OXER1: variants seen among roughly 807,000 people sequenced by gnomAD.
OXER1 encodes 5-oxo-ETE G-protein coupled receptor.
For missense variants in OXER1, 587 were observed against 551.7 expected, an observed-to-expected ratio of 1.06 and a Z score of -0.64; for synonymous variants, 258 against 245.8, an observed-to-expected ratio of 1.05 and a Z score of -0.47.
chr2:42,763,414 G>GC, the OXER1 span: 1 of 1,591,078 alleles, frequency 6.3e-7, no homozygotes. The surrounding 1 kb of genome is among the most constrained non-coding windows in gnomAD (Gnocchi z 4.4). Flanking sequence ...AGCAGGTACA[G>GC]TGCCTGGTGC....
chr2:42,763,007 C>T lies in OXER1; in HGVS notation c.1173G>A (p.Gln391=), dbSNP rs750095060. 3.1e-6 allele frequency: 5 copies of T among 1,614,072 alleles called. No homozygotes were observed. The East Asian group carries it at 1.1e-4, about 36-fold the overall frequency. ...TCCTAGAGGCCTCCCGGTAGCGCCA[C>T]TGCCTGGAGGGTTGGTAGGAGCTCT... is the stretch of plus-strand genomic sequence containing the variant. The change falls in exon 1 of 1, where the codon CAG becomes CAA. Residue 391 remains glutamine, a synonymous_variant. Coordinates refer to ENST00000378661, the Ensembl canonical transcript of OXER1. This position sits in a 1 kb window ranked among gnomAD's most constrained non-coding sequence, Gnocchi z 4.4.
Position 42,763,551 on chromosome 2 carries a change from G to A in OXER1, c.629C>T (p.Ala210Val). 6.4e-7 allele frequency: 1 copy of A among 1,566,784 alleles called. No homozygotes were observed. The highest frequency in any genetic ancestry group is 8.6e-7 in the Non-Finnish European group (1 of 1,156,212). ...CACCCAGAGTCCCCCGGCCACCCGGGCAGCTGCCCCCACGGAAGCACGGCT... is the reference window on the plus strand; with the variant it reads ...CACCCAGAGTCCCCCGGCCACCCGGACAGCTGCCCCCACGGAAGCACGGCT... Residue 210 changes from alanine (A) to valine (V), a missense_variant, in exon 1 of 1, where the codon GCC becomes GTC. Coordinates refer to ENST00000378661, the Ensembl canonical transcript of OXER1. This position sits in a 1 kb window ranked among gnomAD's most constrained non-coding sequence, Gnocchi z 4.4.
chr2:42,764,118 G>A, exon 1 of OXER1: 1 of 1,614,052 alleles, frequency 6.2e-7, no homozygotes, highest in Non-Finnish European at 8.5e-7. Flanking sequence ...ACCCCTGCAG[G>A]AGTGCTCAGG....
Position 42,763,350 on chromosome 2 carries a change from A to T in OXER1, c.830T>A (p.Leu277His). 4 of 1,612,010 alleles carry T rather than the reference A, an allele frequency of 2.5e-6. No individual in the cohort carries two copies. Among genetic ancestry groups the T allele is most frequent in the Non-Finnish European group, 3.4e-6 (4 of 1,179,536 alleles). ...GCCCAGACCACGGTTCCGGATGGTG[A>T]GCCCAATGCTCACAATAGCAAAGAG... Residue 277 changes from leucine (L) to histidine (H), a missense_variant, in exon 1 of 1, where the codon CTC becomes CAC. Transcript: ENST00000378661. The surrounding 1 kb of genome is among the most constrained non-coding windows in gnomAD (Gnocchi z 4.4).
At position 42,763,710 on chromosome 2, in the gene OXER1, G is replaced by A; in HGVS notation, c.470C>T (p.Thr157Ile). 6.2e-7 allele frequency: 1 copy of A among 1,614,136 alleles called. No homozygotes were observed. The highest frequency in any genetic ancestry group is 8.5e-7 in the Non-Finnish European group (1 of 1,180,036). ...GCAGGCAGCAGCCCCAAAGCGCCAG[G>A]TCTCATGGAGGAGGTAGTAGTCCAC... The change falls in exon 1 of 1, where the codon ACC becomes ATC. Residue 157 changes from threonine (T) to isoleucine (I), a missense_variant. Transcript: ENST00000378661. The surrounding 1 kb of genome is among the most constrained non-coding windows in gnomAD (Gnocchi z 4.4).
Position 42,763,937 on chromosome 2 carries a change from C to T in OXER1, c.243G>A (p.Gly81=), listed in dbSNP as rs752541660. ...GCGAGGAAGAGGTGGGGTGGCAGGG[C>T]CCTCCAGAGGACCCCCCCACAGTGG... The change falls in exon 1 of 1, where the codon GGG becomes GGA. Residue 81 remains glycine, a synonymous_variant. Coordinates refer to ENST00000378661, the Ensembl canonical transcript of OXER1. This position sits in a 1 kb window ranked among gnomAD's most constrained non-coding sequence, Gnocchi z 4.4. 6.2e-7 allele frequency: 1 copy of T among 1,613,736 alleles called. No individual in the cohort carries two copies.
In OXER1 at chr2:42,763,903, C is replaced by T; in HGVS notation, c.277G>A (p.Ala93Thr). The T allele has an allele frequency of 6.2e-7, 1 of 1,613,886 alleles. No homozygotes were observed. Among genetic ancestry groups the T allele is most frequent in the Non-Finnish European group, 8.5e-7 (1 of 1,180,010 alleles). ...AGGGCCAGGATTGGTGCCAGGAAGG[C>T]AGACACCAGCGAGGAAGAGGTGGGG... Residue 93 changes from alanine to threonine, a missense_variant, in exon 1 of 1, where the codon GCC becomes ACC. Ala to Thr is a moderately conservative substitution (Grantham distance 58, BLOSUM62 0). Transcript: ENST00000378661. The surrounding 1 kb of genome is among the most constrained non-coding windows in gnomAD (Gnocchi z 4.4).
At chr2:42,762,748 T>C in exon 1 of OXER1, 1 of 792,802 alleles carries the variant, frequency 1.3e-6, no homozygotes, top group South Asian at 1.8e-5. Flanking sequence ...TGGGTTTCTC[T>C]CCCTGCCACC....
exon 1 of OXER1, chr2:42,764,048 G>C (rs1466581381): frequency 6.2e-7 from 1 of 1,613,872 alleles, no homozygotes; most frequent in Non-Finnish European, 8.5e-7. Flanking sequence ...GAGAGCTCAG[G>C]TTATGAAGTT....
At chr2:42,762,646 TGCCA>T in exon 1 of OXER1, 23 of 494,162 alleles carry the variant, frequency 4.7e-5, no homozygotes, top group South Asian at 2.1e-4. Flanking sequence ...TGAGCTGGTG[TGCCA>T]ACGGCACCTT....
rs182457573 is a variant in OXER1, at chr2:42,763,124, G to A, written c.1056C>T (p.Pro352=). ...TGGGGCTAGAGAAGCAGTAGAGCACGGGGTCCAGGACACTGTTGAGGTAGG... is the reference window on the plus strand; with the variant it reads ...TGGGGCTAGAGAAGCAGTAGAGCACAGGGTCCAGGACACTGTTGAGGTAGG... The change falls in exon 1 of 1, where the codon CCC becomes CCT. Residue 352 remains proline (P), a synonymous_variant. Transcript: ENST00000378661. The surrounding 1 kb of genome is among the most constrained non-coding windows in gnomAD (Gnocchi z 4.4). 1.9e-5 allele frequency: 30 copies of A among 1,614,176 alleles called. No individual in the cohort carries two copies. The highest frequency in any genetic ancestry group is 3.3e-5 in the Admixed American group (2 of 60,028).
chr2:42,763,094 G>C lies in OXER1; in HGVS notation c.1086C>G (p.Phe362Leu). The stretch of plus-strand genomic sequence containing the variant: ...CCAGCAAGGCCCGGCTCTGGTGGAG[G>C]AAGTTGGGGCTAGAGAAGCAGTAGA... Residue 362 changes from phenylalanine (F) to leucine (L), a missense_variant, in exon 1 of 1, where the codon TTC (phenylalanine) becomes TTG (leucine). Coordinates refer to ENST00000378661, the Ensembl canonical transcript of OXER1. This position sits in a 1 kb window ranked among gnomAD's most constrained non-coding sequence, Gnocchi z 4.4. The C allele has an allele frequency of 6.2e-7, 1 of 1,614,200 alleles. No homozygotes were observed. Among genetic ancestry groups the C allele is most frequent in the Non-Finnish European group, 8.5e-7 (1 of 1,180,030 alleles).
At chr2:42,762,954 A>C (rs1295812264) in exon 1 of OXER1, 2 of 1,613,664 alleles carry the variant, frequency 1.2e-6, no homozygotes, top group Non-Finnish European at 1.7e-6. Flanking sequence ...CTCGCCCTGC[A>C]CTTTCAGCTT....
rs1234163457 is a variant in OXER1 at position 42,763,537 on chromosome 2, C to T, written c.643G>A (p.Gly215Arg). 6.4e-7 allele frequency: 1 copy of T among 1,558,798 alleles called. No homozygotes were observed. ...AGGAGCAGGATGCCCACCCAGAGTCCCCCGGCCACCCGGGCAGCTGCCCCC... is the reference window on the plus strand; with the variant it reads ...AGGAGCAGGATGCCCACCCAGAGTCTCCCGGCCACCCGGGCAGCTGCCCCC... The change falls in exon 1 of 1, where the codon GGA becomes AGA. Residue 215 changes from glycine (G) to arginine (R), a missense_variant. Physicochemically the swap from Gly to Arg is moderately radical, Grantham distance 125. Coordinates refer to ENST00000378661, the Ensembl canonical transcript of OXER1. This position sits in a 1 kb window ranked among gnomAD's most constrained non-coding sequence, Gnocchi z 4.4.
Position 42,763,305 on chromosome 2 carries a change from C to T in OXER1, c.875G>A (p.Arg292Lys), listed in dbSNP as rs1374218210. The T allele has an allele frequency of 6.2e-7, 1 of 1,613,072 alleles. No homozygotes were observed. The highest frequency in any genetic ancestry group is 8.5e-7 in the Non-Finnish European group (1 of 1,179,838). The change falls in exon 1 of 1, where the codon AGG becomes AAG. Residue 292 changes from arginine to lysine, a missense_variant. Physicochemically the swap from Arg to Lys is conservative, Grantham distance 26. Transcript: ENST00000378661. The surrounding 1 kb of genome is among the most constrained non-coding windows in gnomAD (Gnocchi z 4.4). ...CACCATGGCCAGCACACGCATGGCC[C>T]TCTGCGGGCCTGCCTGCCCGCCCAG...
chr2:42,763,687 A>T lies in OXER1; in HGVS notation c.493T>A (p.Cys165Ser). 6.2e-7 allele frequency: 1 copy of T among 1,614,106 alleles called. No individual in the cohort carries two copies. Among genetic ancestry groups the T allele is most frequent in the Non-Finnish European group, 8.5e-7 (1 of 1,179,998 alleles). The change falls in exon 1 of 1, where the codon TGC (cysteine) becomes AGC (serine). Residue 165 changes from cysteine to serine, a missense_variant. Coordinates refer to ENST00000378661, the Ensembl canonical transcript of OXER1. The surrounding 1 kb of genome is among the most constrained non-coding windows in gnomAD (Gnocchi z 4.4). ...GACAGCATGAAGAGGTTGACTTTGCAGGCAGCAGCCCCAAAGCGCCAGGTC... is the reference window on the plus strand; with the variant it reads ...GACAGCATGAAGAGGTTGACTTTGCTGGCAGCAGCCCCAAAGCGCCAGGTC...
Position 42,763,509 on chromosome 2 carries a change from T to C in OXER1, c.671A>G (p.Asn224Ser). Reference sequence around the variant, plus strand: ...GAAGGTGCTCAGGAGCAGGTGCCCGTTGAGGAGCAGGATGCCCACCCAGAG... The same window carrying C: ...GAAGGTGCTCAGGAGCAGGTGCCCGCTGAGGAGCAGGATGCCCACCCAGAG... The change falls in exon 1 of 1, where the codon AAC (asparagine) becomes AGC (serine). Residue 224 changes from asparagine to serine, a missense_variant. Physicochemically the swap from Asn to Ser is conservative, Grantham distance 46. Coordinates refer to ENST00000378661, the Ensembl canonical transcript of OXER1. The surrounding 1 kb of genome is among the most constrained non-coding windows in gnomAD (Gnocchi z 4.4). 1.3e-6 allele frequency: 2 copies of C among 1,554,890 alleles called. No homozygotes were observed. The highest frequency in any genetic ancestry group is 1.9e-5 in the Admixed American group (1 of 51,294).
chr2:42,763,147 A>T lies in OXER1; in HGVS notation c.1033T>A (p.Tyr345Asn). 6.2e-7 allele frequency: 1 copy of T among 1,614,138 alleles called. No homozygotes were observed. The highest frequency in any genetic ancestry group is 8.5e-7 in the Non-Finnish European group (1 of 1,179,968). Residue 345 changes from tyrosine to asparagine, a missense_variant, in exon 1 of 1, where the codon TAC becomes AAC. Tyr to Asn is a moderately radical substitution (Grantham distance 143, BLOSUM62 -2). Transcript: ENST00000378661. This position sits in a 1 kb window ranked among gnomAD's most constrained non-coding sequence, Gnocchi z 4.4. The stretch of plus-strand genomic sequence containing the variant: ...ACGGGGTCCAGGACACTGTTGAGGT[A>T]GGTGAAGGCCAGGGAGCCATGGAAG...
Position 42,763,810 on chromosome 2 carries a change from A to G in OXER1, c.370T>C (p.Trp124Arg), listed in dbSNP as rs984763027. 29 of 1,613,986 alleles carry G rather than the reference A, an allele frequency of 1.8e-5. No individual in the cohort carries two copies. The highest frequency in any genetic ancestry group is 2.4e-5 in the Non-Finnish European group (28 of 1,180,018). The change falls in exon 1 of 1, where the codon TGG (tryptophan) becomes CGG (arginine). Residue 124 changes from tryptophan (W) to arginine (R), a missense_variant. Trp to Arg is a moderately radical substitution (Grantham distance 101, BLOSUM62 -3). Coordinates refer to ENST00000378661, the Ensembl canonical transcript of OXER1. The surrounding 1 kb of genome is among the most constrained non-coding windows in gnomAD (Gnocchi z 4.4). ...ACCAGGAACACCGTGTTGGAGGTCC[A>G]GGGCCGCGTGTGGATGCAGAAGATG...
Sources: allele counts gnomAD v4.1 joint callset, GRCh38; gene constraint gnomAD v4.1.1; non-coding constraint Gnocchi (gnomAD v3.1); transcripts MANE v1.5; gene names NCBI Gene and HGNC (gene_info 2026-07-23, HGNC 2026-07-21).